Variants in FAF1 observed in about 807,000 individuals in gnomAD.
The protein encoded by FAF1 is FAS-associated factor 1.
FAF1 carries 25 observed loss-of-function variants against 92.5 expected under a neutral mutation model. The ratio of observed to expected loss-of-function variants is 0.27; its 90% CI spans 0.20 to 0.38. The LOEUF is 0.38. Ranked by LOEUF, FAF1 falls within the 10% of genes least tolerant of loss-of-function variation. The pLI is 1.00. For missense variants in FAF1, 636 were observed against 793.3 expected (o/e 0.80, Z 2.38); for synonymous variants, 234 against 273.2 (o/e 0.86, Z 1.42).
intron 17 of FAF1, among the ~76,000 whole-genome samples, chr1:50,487,145 C>T (rs1646778577): frequency 6.6e-6 from 1 of 152,186 alleles, no homozygotes; most frequent in South Asian, 2.1e-4. Context: ...CTACATTGCA[C>T]AGCTTCCTCT....
chr1:50,809,043 G>A (rs1276956903), intron 2 of FAF1, among the ~76,000 whole-genome samples: 2 of 152,114 alleles, frequency 1.3e-5, no homozygotes, highest in Non-Finnish European at 2.9e-5. Context: ...ATATATAGGA[G>A]ACTTCAACAC....
intron 7 of FAF1, among the ~76,000 whole-genome samples, chr1:50,660,991 A>G (rs999158391): frequency 2.0e-5 from 3 of 152,174 alleles, no homozygotes; most frequent in Non-Finnish European, 4.4e-5. Context: ...AAACATATAC[A>G]AGACAAGGAA....
intron 1 of FAF1, among the ~76,000 whole-genome samples, chr1:50,943,981 G>C (rs757448499): frequency 6.6e-6 from 1 of 152,214 alleles, no homozygotes. Context: ...ACTCAGTTCA[G>C]TTCAGAACAG....
chr1:50,582,756 C>T (rs1320257034), intron 11 of FAF1, 57 bp from the exon 12 acceptor site: 1 of 1,088,520 alleles, frequency 9.2e-7, no homozygotes, highest in South Asian at 1.2e-5. Context: ...CTTCAGATTT[C>T]ACAAGTCTAA....
chr1:50,447,818 T>A (rs1290760385), intron 18 of FAF1, among the ~76,000 whole-genome samples: 1 of 152,202 alleles, frequency 6.6e-6, no homozygotes, highest in African/African-American at 2.4e-5. Flanking sequence ...AGTTATAGAC[T>A]ATGTACTTCA....
chr1:50,678,412 C>T (rs1656244038), intron 7 of FAF1, among the ~76,000 whole-genome samples: 1 of 152,162 alleles, frequency 6.6e-6, no homozygotes, highest in Admixed American at 6.6e-5. Flanking sequence ...TAGTACTTTC[C>T]CTTTGTAATT....
At chr1:50,778,425 G>A (rs1436556596) in intron 4 of FAF1, among the ~76,000 whole-genome samples, 1 of 152,064 alleles carries the variant, frequency 6.6e-6, no homozygotes, top group Non-Finnish European at 1.5e-5. Context: ...CTTCCACACA[G>A]TCAAAAATCT....
At chr1:50,785,028 C>G (rs1009417509) in intron 4 of FAF1, among the ~76,000 whole-genome samples, 1 of 149,352 alleles carries the variant, frequency 6.7e-6, no homozygotes, top group African/African-American at 2.5e-5. Flanking sequence ...AACATCATCT[C>G]ATGGTATTGT....
intron 1 of FAF1, among the ~76,000 whole-genome samples, chr1:50,909,422 G>C (rs533084103): frequency 6.6e-6 from 1 of 152,210 alleles, no homozygotes; most frequent in Non-Finnish European, 1.5e-5. Flanking sequence ...ATGTTGGCCT[G>C]CCTTGCTAGG....
At chr1:50,926,859 AAAC>A (rs1482133647) in intron 1 of FAF1, among the ~76,000 whole-genome samples, 1 of 152,256 alleles carries the variant, frequency 6.6e-6, no homozygotes, top group East Asian at 1.9e-4. Context: ...CAAAATGTAT[AAAC>A]AACTCAAATG....
intron 8 of FAF1, among the ~76,000 whole-genome samples, chr1:50,606,346 T>C (rs529440994): frequency 1.4e-3 from 208 of 152,240 alleles, no homozygotes; most frequent in African/African-American, 4.8e-3. Context: ...TGCCGACCAA[T>C]GTTAAAGAAA....
intron 6 of FAF1, among the ~76,000 whole-genome samples, chr1:50,734,574 T>C (rs1344737589): frequency 3.3e-5 from 5 of 151,372 alleles, no homozygotes; most frequent in Non-Finnish European, 1.5e-5. Context: ...CTCTACTAAA[T>C]ATACAAAAAA....
chr1:50,760,455 A>G (rs1416216763), intron 4 of FAF1, among the ~76,000 whole-genome samples: 1 of 152,234 alleles, frequency 6.6e-6, no homozygotes, highest in Non-Finnish European at 1.5e-5. Context: ...CTCCTCTGCA[A>G]ATGTAAAAGA....
At chr1:50,699,718 C>G (rs1203846278) in intron 7 of FAF1, among the ~76,000 whole-genome samples, 1 of 152,072 alleles carries the variant, frequency 6.6e-6, no homozygotes, top group African/African-American at 2.4e-5. Context: ...TAGAATGAGC[C>G]TTCCTTTTCT....
chr1:50,779,560 G>C (rs1267274243), intron 4 of FAF1, among the ~76,000 whole-genome samples: 2 of 151,380 alleles, frequency 1.3e-5, no homozygotes, highest in Non-Finnish European at 2.9e-5. Flanking sequence ...TATATATTTA[G>C]ATATGAGATA....
chr1:50,657,573 C>T (rs1655181555), intron 7 of FAF1, among the ~76,000 whole-genome samples: 2 of 152,106 alleles, frequency 1.3e-5, no homozygotes, highest in African/African-American at 4.8e-5. Context: ...CAAAACAAAA[C>T]CCAAAAACTT....
chr1:50,768,577 A>G (rs928435458), intron 4 of FAF1, among the ~76,000 whole-genome samples: 5 of 152,158 alleles, frequency 3.3e-5, no homozygotes, highest in Non-Finnish European at 7.4e-5. Flanking sequence ...TAAAAACAAT[A>G]GCAATCACAC....
intron 8 of FAF1, among the ~76,000 whole-genome samples, chr1:50,634,448 A>G (rs531203123): frequency 6.6e-6 from 1 of 152,354 alleles, no homozygotes; most frequent in Non-Finnish European, 1.5e-5. Context: ...CACATATGTT[A>G]CAGCTGTTCA....
At chr1:50,567,504 A>G (rs1650227215) in intron 12 of FAF1, among the ~76,000 whole-genome samples, 1 of 152,108 alleles carries the variant, frequency 6.6e-6, no homozygotes, top group Non-Finnish European at 1.5e-5. Context: ...ATCTCAAATG[A>G]AGTTGCAAAG....
Sources: allele counts gnomAD v4.1 joint callset (sites outside exome capture counted in the v4.1 genomes callset), GRCh38; gene constraint gnomAD v4.1.1; transcripts MANE v1.5; gene names NCBI Gene and HGNC (gene_info 2026-07-23, HGNC 2026-07-21).